LDLRAD4: variants seen among roughly 807,000 people sequenced by gnomAD.
The protein encoded by LDLRAD4 is low density lipoprotein receptor class A domain containing 4.
LDLRAD4 carries 5 observed loss-of-function variants against 17.0 expected under a neutral mutation model. That is an observed-to-expected ratio of 0.29 (90% CI 0.15 to 0.62). The LOEUF (loss-of-function observed/expected upper bound fraction) is 0.62, where lower values mean the gene tolerates loss of function less well. Among genes scored for constraint, LDLRAD4 ranks in the 20% least tolerant of loss-of-function variants. LDLRAD4 has a pLI of 0.84. For synonymous variants in LDLRAD4, 168 were observed against 171.8 expected (o/e 0.98, Z 0.17); for missense variants, 340 against 424.7 (o/e 0.80, Z 1.75).
At chr18:13,285,449 A>G (rs2045567171) in intron 1 of LDLRAD4, among the ~76,000 whole-genome samples, 1 of 152,030 alleles carries the variant, frequency 6.6e-6, no homozygotes, top group Admixed American at 6.5e-5. Context: ...CAATTGTGTA[A>G]CTTAACATGG....
At chr18:13,582,452 C>G (rs1015715580) in intron 3 of LDLRAD4, among the ~76,000 whole-genome samples, 1 of 152,246 alleles carries the variant, frequency 6.6e-6, no homozygotes, top group African/African-American at 2.4e-5. Flanking sequence ...CAGGCAGATG[C>G]AGTTCCCTCC....
intron 1 of LDLRAD4, among the ~76,000 whole-genome samples, chr18:13,219,671 C>A (rs1315527444): frequency 6.6e-6 from 1 of 152,142 alleles, no homozygotes; most frequent in African/African-American, 2.4e-5. Flanking sequence ...GGTCCTATGG[C>A]TGGTAAGGAG....
At chr18:13,443,695 C>T (rs1485198256) in intron 3 of LDLRAD4, among the ~76,000 whole-genome samples, 4 of 150,840 alleles carry the variant, frequency 2.7e-5, no homozygotes, top group Admixed American at 2.0e-4. Context: ...CTCTTCCTGT[C>T]GTCGTCGTCG....
upstream of LDLRAD4, among the ~76,000 whole-genome samples, chr18:13,273,348 T>A (rs535698141): frequency 1.4e-4 from 22 of 152,310 alleles, no homozygotes; most frequent in South Asian, 4.4e-3. Context: ...TTGCCCAGGC[T>A]GGAGTGCAGT....
At chr18:13,270,440 C>T (rs915062473) in intron 1 of LDLRAD4, among the ~76,000 whole-genome samples, 8 of 152,072 alleles carry the variant, frequency 5.3e-5, no homozygotes, top group African/African-American at 1.7e-4. Flanking sequence ...CTGAATTGGC[C>T]GGGTCGAGAG....
intron 1 of LDLRAD4, among the ~76,000 whole-genome samples, chr18:13,306,888 AGCT>A (rs1225494056): frequency 6.6e-6 from 1 of 152,200 alleles, no homozygotes; most frequent in Non-Finnish European, 1.5e-5. Context: ...GAAATTCAAG[AGCT>A]AGTAGACACC....
chr18:13,642,891 T>C (rs2043920979), intron 4 of LDLRAD4: 2 of 470,658 alleles, frequency 4.2e-6, no homozygotes, highest in Non-Finnish European at 6.8e-6. Context: ...TCGCTCCACG[T>C]TTTTTGTTTG....
At chr18:13,612,617 GGA>G in intron 3 of LDLRAD4, 3 of 1,602,908 alleles carry the variant, frequency 1.9e-6, no homozygotes, top group Non-Finnish European at 2.6e-6. Context: ...TGAGCTGCCT[GGA>G]GAGGAGATTG....
At chr18:13,598,598 A>T (rs1224319506) in intron 3 of LDLRAD4, among the ~76,000 whole-genome samples, 1 of 152,236 alleles carries the variant, frequency 6.6e-6, no homozygotes, top group African/African-American at 2.4e-5. Flanking sequence ...GCTGACCTAG[A>T]GTTAAGCTTG....
intron 1 of LDLRAD4, among the ~76,000 whole-genome samples, chr18:13,311,769 A>G (rs1025145266): frequency 1.3e-5 from 2 of 152,046 alleles, no homozygotes; most frequent in Non-Finnish European, 2.9e-5. Flanking sequence ...ACCTGTAGGA[A>G]TAGTTACAGG....
intron 1 of LDLRAD4, among the ~76,000 whole-genome samples, chr18:13,301,190 C>G (rs1239720781): frequency 1.3e-5 from 2 of 152,166 alleles, no homozygotes; most frequent in Non-Finnish European, 2.9e-5. Context: ...CTTTAGCGTG[C>G]TGGAGACGCC....
At chr18:13,527,038 C>A (rs568473564) in intron 3 of LDLRAD4, among the ~76,000 whole-genome samples, 1 of 152,350 alleles carries the variant, frequency 6.6e-6, no homozygotes, top group African/African-American at 2.4e-5. Context: ...AAAAGCACCC[C>A]TGTCATTTGC....
At chr18:13,319,864 C>G (rs371094032) in intron 1 of LDLRAD4, among the ~76,000 whole-genome samples, 1 of 152,140 alleles carries the variant, frequency 6.6e-6, no homozygotes, top group East Asian at 1.9e-4. Flanking sequence ...CTGAGACTTA[C>G]GATTTAAAGC....
chr18:13,461,629 C>T (rs555678295), intron 3 of LDLRAD4, among the ~76,000 whole-genome samples: 2 of 152,332 alleles, frequency 1.3e-5, no homozygotes, highest in East Asian at 3.9e-4. Flanking sequence ...TAAAGACTCT[C>T]TAGCGGTTTC....
chr18:13,312,551 G>A lies in LDLRAD4; in HGVS notation c.-383+34363G>A, dbSNP rs549682915. Among the ~76,000 whole-genome samples the A allele has an allele frequency of 8.5e-5, 13 of 152,228 alleles. No homozygotes were observed. In the East Asian group the frequency reaches 2.1e-3, roughly 25 times the overall value. On this transcript the variant is annotated intron_variant, in intron 1 of 5. Coordinates refer to ENST00000359446, the Ensembl canonical transcript of LDLRAD4. ...GAGGCCAGGAGTTTGAGATCAGCCT[G>A]GGTAACATAAAGAGACCCCATCCCT...
chr18:13,407,024 T>C (rs1336258765), intron 2 of LDLRAD4, among the ~76,000 whole-genome samples: 2 of 152,212 alleles, frequency 1.3e-5, no homozygotes, highest in African/African-American at 4.8e-5. Flanking sequence ...TGCGATAAAC[T>C]TAGCACGGCG....
intron 2 of LDLRAD4, among the ~76,000 whole-genome samples, chr18:13,395,765 G>T (rs2145405987): frequency 6.7e-6 from 1 of 149,208 alleles, no homozygotes; most frequent in African/African-American, 2.5e-5. Flanking sequence ...CTGGCGTGGG[G>T]GTGGGGGCAT....
At chr18:13,320,683 C>G (rs1037908792) in intron 1 of LDLRAD4, among the ~76,000 whole-genome samples, 4 of 152,216 alleles carry the variant, frequency 2.6e-5, no homozygotes, top group African/African-American at 9.7e-5. Flanking sequence ...AACAGTGAGG[C>G]TCAGCACAGG....
At chr18:13,322,179 C>T (rs753560163) in intron 1 of LDLRAD4, among the ~76,000 whole-genome samples, 18 of 151,166 alleles carry the variant, frequency 1.2e-4, no homozygotes, top group Non-Finnish European at 1.8e-4. Context: ...AAATTGTCTA[C>T]ATTATCCCTT....
Sources: allele counts gnomAD v4.1 joint callset (sites outside exome capture counted in the v4.1 genomes callset), GRCh38; gene constraint gnomAD v4.1.1; transcripts MANE v1.5; gene names NCBI Gene and HGNC (gene_info 2026-07-23, HGNC 2026-07-21).